Variants in FAM171A1 observed in about 807,000 individuals in gnomAD.
The protein encoded by FAM171A1 is family with sequence similarity 171 member A1.
A neutral mutation model predicts 74.9 loss-of-function variants in FAM171A1; 23 were observed. That is an observed-to-expected ratio of 0.31 (90% CI 0.22 to 0.44). The LOEUF is 0.44. FAM171A1 is among the 20% of genes least tolerant of loss of function. FAM171A1 has a pLI of 1.00. For synonymous variants in FAM171A1, 527 were observed against 505.7 expected, an observed-to-expected ratio of 1.04 and a Z score of -0.57; for missense variants, 1,162 against 1,159.2, an observed-to-expected ratio of 1.00 and a Z score of -0.03.
intron 5 of FAM171A1, among the ~76,000 whole-genome samples, chr10:15,227,688 T>C (rs568354776): frequency 7.2e-5 from 11 of 152,336 alleles, no homozygotes; most frequent in Middle Eastern, 6.8e-3. Flanking sequence ...CCTTGAAGTA[T>C]CATTCTTTAG....
intron 1 of FAM171A1, among the ~76,000 whole-genome samples, chr10:15,286,741 C>T (rs575504898): frequency 1.3e-5 from 2 of 152,306 alleles, no homozygotes; most frequent in African/African-American, 4.8e-5. Flanking sequence ...TTCAGTTAGT[C>T]AATCATCTTT....
intron 1 of FAM171A1, among the ~76,000 whole-genome samples, chr10:15,370,511 C>T (rs1221361558): frequency 6.6e-6 from 1 of 152,014 alleles, no homozygotes; most frequent in African/African-American, 2.4e-5. Context: ...CAGCGCAGCC[C>T]AGGAGCTGGG....
intron 1 of FAM171A1, among the ~76,000 whole-genome samples, chr10:15,330,953 G>C (rs1329862770): frequency 6.6e-6 from 1 of 151,508 alleles, no homozygotes; most frequent in African/African-American, 2.4e-5. Context: ...GTAGTGGCAT[G>C]ATCTCGGCTC....
At chr10:15,370,645 G>T (rs1451642457) in intron 1 of FAM171A1, among the ~76,000 whole-genome samples, 1 of 151,584 alleles carries the variant, frequency 6.6e-6, no homozygotes, top group African/African-American at 2.4e-5. Context: ...GGCATAAAGG[G>T]GACCCCCGGG....
intron 5 of FAM171A1, among the ~76,000 whole-genome samples, chr10:15,247,670 T>C (rs569754171): frequency 6.6e-6 from 1 of 151,228 alleles, no homozygotes; most frequent in South Asian, 2.1e-4. Context: ...TCTGGGCACT[T>C]GGGCTTTTAA....
At chr10:15,275,458 T>A (rs1834881372) in intron 3 of FAM171A1, among the ~76,000 whole-genome samples, 1 of 147,788 alleles carries the variant, frequency 6.8e-6, no homozygotes, top group Non-Finnish European at 1.5e-5. Flanking sequence ...GGCTAAATAT[T>A]TTTTTTTTTT....
intron 6 of FAM171A1, 30 bp downstream of exon 6, chr10:15,220,914 G>A (rs767702612): frequency 9.8e-6 from 15 of 1,536,388 alleles, no homozygotes; most frequent in South Asian, 3.4e-5. Context: ...CAACTGATCC[G>A]CATCATCGCA....
chr10:15,268,129 G>T (rs976692155), intron 3 of FAM171A1, among the ~76,000 whole-genome samples: 7 of 152,156 alleles, frequency 4.6e-5, no homozygotes, highest in African/African-American at 1.7e-4. Context: ...TACCAGGGAG[G>T]ACCTGGACAA....
At chr10:15,288,524 T>C (rs537877339) in intron 1 of FAM171A1, among the ~76,000 whole-genome samples, 11 of 152,308 alleles carry the variant, frequency 7.2e-5, no homozygotes, top group African/African-American at 2.6e-4. Flanking sequence ...GCATTGATGA[T>C]TTATGCAATT....
chr10:15,223,287 C>T (rs1194576723), intron 5 of FAM171A1, among the ~76,000 whole-genome samples: 1 of 152,250 alleles, frequency 6.6e-6, no homozygotes, highest in Admixed American at 6.5e-5. Flanking sequence ...GCTTGGCACC[C>T]GTTCAGCTCA....
At chr10:15,321,712 G>A (rs1469429269) in intron 1 of FAM171A1, among the ~76,000 whole-genome samples, 2 of 152,188 alleles carry the variant, frequency 1.3e-5, no homozygotes, top group South Asian at 4.1e-4. Flanking sequence ...GAAAGCTGAG[G>A]CTTCCAAACC....
chr10:15,283,788 T>C lies in FAM171A1; in HGVS notation c.325+90A>G, dbSNP rs1272377235. 2.3e-6 allele frequency: 3 copies of C among 1,299,158 alleles called. No homozygotes were observed. In the East Asian group the frequency reaches 7.0e-5, roughly 30 times the overall value. The allele number at this position is 1,299,158 out of a possible 1,614,324, so 80.5% of individuals were successfully genotyped here. ...TTTGTAGAGATGCAGTCTCACTATG[T>C]TGCCCAAGCTGGTTTCAGACTCCTG... is the stretch of plus-strand genomic sequence containing the variant. On this transcript the variant is annotated intron_variant, in intron 2 of 7. Transcript: ENST00000378116.
At chr10:15,274,648 A>G (rs1378791469) in intron 3 of FAM171A1, among the ~76,000 whole-genome samples, 1 of 152,248 alleles carries the variant, frequency 6.6e-6, no homozygotes, top group Non-Finnish European at 1.5e-5. Context: ...CTACAAGGTT[A>G]CAGTAACCAA....
chr10:15,283,114 C>T (rs938671229), intron 2 of FAM171A1, among the ~76,000 whole-genome samples: 1 of 152,186 alleles, frequency 6.6e-6, no homozygotes. Flanking sequence ...TCCATCTTTG[C>T]CTAAGCCTAG....
chr10:15,278,281 A>G (rs566407254), intron 2 of FAM171A1, among the ~76,000 whole-genome samples: 81 of 152,368 alleles, frequency 5.3e-4, no homozygotes, highest in African/African-American at 1.7e-3. Flanking sequence ...GACACGCAGA[A>G]TGGGCCAGGT....
chr10:15,316,139 T>TTA (rs1835419036), intron 1 of FAM171A1, among the ~76,000 whole-genome samples: 2 of 152,348 alleles, frequency 1.3e-5, no homozygotes, highest in African/African-American at 4.8e-5. Context: ...GGTCATATAA[T>TTA]TATTCCTTAT....
At chr10:15,317,827 G>T (rs1373882420) in intron 1 of FAM171A1, among the ~76,000 whole-genome samples, 4 of 152,076 alleles carry the variant, frequency 2.6e-5, no homozygotes, top group Admixed American at 2.6e-4. Flanking sequence ...GTCTTGCTCT[G>T]TTGCCCAGGC....
intron 1 of FAM171A1, among the ~76,000 whole-genome samples, chr10:15,305,664 TAAAA>T (rs59843893): frequency 1.7e-4 from 9 of 52,940 alleles, no homozygotes; most frequent in African/African-American, 5.9e-4. Flanking sequence ...GAGATCTGGC[TAAAA>T]AAAAAAAAAA....
intron 5 of FAM171A1, among the ~76,000 whole-genome samples, chr10:15,228,255 C>T (rs756697795): frequency 6.6e-6 from 1 of 151,724 alleles, no homozygotes; most frequent in South Asian, 2.1e-4. Flanking sequence ...AAAGATCGGA[C>T]CTGAATCTCA....
Sources: gnomAD v4.1 joint callset for allele counts (sites outside exome capture counted in the v4.1 genomes callset) on GRCh38, gnomAD v4.1.1 for gene constraint, MANE v1.5 for transcripts, NCBI Gene and HGNC (gene_info 2026-07-23, HGNC 2026-07-21) for gene names.